Variants in COL22A1 observed in about 807,000 individuals in gnomAD.
COL22A1 encodes the protein collagen alpha-1(XXII) chain.
In COL22A1, 221 loss-of-function variants were observed where a neutral mutation model predicts 248.9. The ratio of observed to expected loss-of-function variants is 0.89; its 90% CI spans 0.80 to 0.99. The LOEUF (loss-of-function observed/expected upper bound fraction) is 0.99. Among genes scored for constraint, COL22A1 ranks in the 50% least tolerant of loss-of-function variants. COL22A1 has a pLI of 0.00. For missense variants in COL22A1, 2,240 were observed against 2,179.0 expected (o/e 1.03, Z -0.56); for synonymous variants, 891 against 793.4 (o/e 1.12, Z -2.07).
chr8:138,842,821 C>T (rs1402170290), intron 4 of COL22A1, among the ~76,000 whole-genome samples: 1 of 152,256 alleles, frequency 6.6e-6, no homozygotes, highest in African/African-American at 2.4e-5. Flanking sequence ...TAGCACCCCA[C>T]TGGGCACCAG....
chr8:138,838,772 T>TAA (rs59097266), intron 4 of COL22A1, among the ~76,000 whole-genome samples: 2 of 150,262 alleles, frequency 1.3e-5, no homozygotes, highest in African/African-American at 4.9e-5. Context: ...CACTGTGAGA[T>TAA]AAAAAAAAAG....
chr8:138,798,786 G>A (rs1469540037), intron 11 of COL22A1, among the ~76,000 whole-genome samples: 1 of 151,914 alleles, frequency 6.6e-6, no homozygotes, highest in Non-Finnish European at 1.5e-5. Flanking sequence ...TTTGGTTTTT[G>A]GCATTTTTAC....
intron 1 of COL22A1, among the ~76,000 whole-genome samples, chr8:138,906,563 G>A (rs74390643): frequency 7.2e-6 from 1 of 138,250 alleles, no homozygotes; most frequent in African/African-American, 2.9e-5. Flanking sequence ...ATTTAACTTA[G>A]TAAGAGGGAG....
chr8:138,685,224 C>T lies in COL22A1; in HGVS notation c.2951G>A (p.Gly984Glu), dbSNP rs866332009. The part of the protein sequence containing the change: ...APGLPGPPGK[G>E]KDGEPGLRGS... ...TCCACTTACCGGCTCTCCATCCTTC[C>T]CTTTTCCGGGTGGCCCAGGGAGCCC... Residue 984 changes from glycine (G) to glutamate (E), a missense_variant, in exon 38 of 65, where the codon GGG becomes GAG. Transcript: ENST00000303045. 1.2e-6 allele frequency: 2 copies of T among 1,612,762 alleles called. No homozygotes were observed. Among genetic ancestry groups the T allele is most frequent in the Non-Finnish European group, 8.5e-7 (1 of 1,179,086 alleles).
chr8:138,847,773 C>G (rs1227795542), intron 3 of COL22A1, among the ~76,000 whole-genome samples: 1 of 151,196 alleles, frequency 6.6e-6, no homozygotes, highest in African/African-American at 2.4e-5. Context: ...ACAAGCAATT[C>G]CAATCCTAGG....
chr8:138,676,454 A>AAAGAAAGAAAGAAAGGAAGGAAGAAAGG, intron 41 of COL22A1, 104 bp downstream of exon 41: 1 of 408,506 alleles, frequency 2.4e-6, no homozygotes, highest in East Asian at 5.1e-5. Context: ...AGAAAGAAAG[A>AAAGAAAGAAAGAAAGGAAGGAAGAAAGG]AAGGAAGAAA....
Position 138,708,125 on chromosome 8 carries a change from G to C in COL22A1, c.2518-4778C>G, listed in dbSNP as rs551840497. Among the ~76,000 whole-genome samples, 289 of 152,146 alleles carry C rather than the reference G, an allele frequency of 1.9e-3. 7 individuals carry two copies. The East Asian group carries it at 0.038, about 20-fold the overall frequency. ...AGGAGAACTACAAACCACTGCTCAAGGAAATAAAAGAGGACACAAACAAAT... is the reference window on the plus strand; with the variant it reads ...AGGAGAACTACAAACCACTGCTCAACGAAATAAAAGAGGACACAAACAAAT... On this transcript the variant is annotated intron_variant, in intron 30 of 64. Coordinates refer to ENST00000303045, the MANE Select transcript of COL22A1 (RefSeq NM_152888.3).
intron 1 of COL22A1, among the ~76,000 whole-genome samples, chr8:138,895,290 G>A (rs951369674): frequency 3.3e-5 from 5 of 152,022 alleles, no homozygotes; most frequent in Non-Finnish European, 7.4e-5. Context: ...AAGAACCAGG[G>A]CAATTACAGC....
intron 16 of COL22A1, among the ~76,000 whole-genome samples, chr8:138,765,814 G>A (rs1312896110): frequency 6.6e-6 from 1 of 152,358 alleles, no homozygotes; most frequent in Admixed American, 6.5e-5. Context: ...TGACCCTGAA[G>A]GCAGGGAGAG....
intron 39 of COL22A1, among the ~76,000 whole-genome samples, chr8:138,682,985 C>T (rs1427296828): frequency 6.6e-6 from 1 of 152,148 alleles, no homozygotes; most frequent in Non-Finnish European, 1.5e-5. Flanking sequence ...AGATGTGAGC[C>T]ACCGCACCCG....
intron 7 of COL22A1, among the ~76,000 whole-genome samples, chr8:138,813,679 AGT>A (rs1278618310): frequency 6.7e-6 from 1 of 150,020 alleles, no homozygotes. Context: ...GACACGTTAA[AGT>A]CCAGCGTTTC....
chr8:138,675,020 A>G (rs1587833782), intron 41 of COL22A1, among the ~76,000 whole-genome samples: 1 of 152,274 alleles, frequency 6.6e-6, no homozygotes, highest in East Asian at 1.9e-4. Context: ...TAAGGAAAAC[A>G]GTTTAACCAA....
At chr8:138,762,536 C>A in intron 16 of COL22A1, 70 bp from the exon 17 acceptor site, 1 of 1,441,792 alleles carries the variant, frequency 6.9e-7, no homozygotes, top group South Asian at 1.2e-5. Flanking sequence ...CACACATCCC[C>A]ACAGTGACCG....
chr8:138,599,050 G>A lies in COL22A1; in HGVS notation c.4186-152C>T, dbSNP rs990272613. The A allele has an allele frequency of 5.5e-6, 4 of 723,918 alleles. No individual in the cohort carries two copies. The Admixed American group carries it at 1.0e-4, about 18-fold the overall frequency. 44.8% of individuals were successfully genotyped at this position (723,918 alleles called of 1,614,324 possible). A position where few individuals can be genotyped will look rare whatever the true frequency, so the allele number is the denominator to read the frequency against. ...CCATGTGTGGCTTGGGGTGAGAAGA[G>A]CCCCAGAATCCATCACATGCACTGT... is the stretch of plus-strand genomic sequence containing the variant. On this transcript the variant is annotated intron_variant, in intron 60 of 64. Coordinates refer to ENST00000303045, the MANE Select transcript of COL22A1 (RefSeq NM_152888.3).
chr8:138,791,727 C>A (rs1157678261), intron 12 of COL22A1, among the ~76,000 whole-genome samples: 1 of 152,206 alleles, frequency 6.6e-6, no homozygotes, highest in Non-Finnish European at 1.5e-5. Flanking sequence ...AGAACCTGGA[C>A]TACCTGTCTG....
In COL22A1 at chr8:138,877,740, G is replaced by A; in HGVS notation, c.658+10C>T. 1 of 1,565,088 alleles carries A rather than the reference G, an allele frequency of 6.4e-7. No homozygotes were observed. Among genetic ancestry groups the A allele is most frequent in the Non-Finnish European group, 8.7e-7 (1 of 1,153,328 alleles). ...TTGGGAGGGGCCGCATGGGGCCCGG[G>A]CGCACTCACTTTCACAAAGACGGCG... is the stretch of plus-strand genomic sequence containing the variant. On this transcript the variant is annotated intron_variant, in intron 3 of 64. Coordinates refer to ENST00000303045, the MANE Select transcript of COL22A1 (RefSeq NM_152888.3).
rs112632521 is a variant in COL22A1 at position 138,878,770 on chromosome 8, G to A, written c.92-454C>T. 4.0e-3 allele frequency among the ~76,000 whole-genome samples: 606 copies of A among 152,298 alleles called. 2 individuals carry two copies. Among genetic ancestry groups the A allele is most frequent in the African/African-American group, 0.014 (569 of 41,564 alleles). On this transcript the variant is annotated intron_variant, in intron 2 of 64. Coordinates refer to ENST00000303045, the MANE Select transcript of COL22A1 (RefSeq NM_152888.3). ...CGCCTGTAATCCCAGCACTTTGGGA[G>A]GCCAAGGCGGGTGGATCACGAGGTC...
chr8:138,792,767 A>G (rs773975554), intron 12 of COL22A1, among the ~76,000 whole-genome samples: 6 of 152,124 alleles, frequency 3.9e-5, no homozygotes, highest in Admixed American at 3.3e-4. Flanking sequence ...TGTTCCTGTT[A>G]TATTCAGTGT....
intron 3 of COL22A1, among the ~76,000 whole-genome samples, chr8:138,857,412 C>T (rs182693339): frequency 5.3e-5 from 8 of 152,332 alleles, no homozygotes; most frequent in South Asian, 2.1e-4. Flanking sequence ...AACACAGCTT[C>T]GCCTGGACAT....
Sources: gnomAD v4.1 joint callset for allele counts (sites outside exome capture counted in the v4.1 genomes callset) on GRCh38, gnomAD v4.1.1 for gene constraint, MANE v1.5 for transcripts, NCBI Gene and HGNC (gene_info 2026-07-23, HGNC 2026-07-21) for gene names.